The following WDR33 variants were observed in gnomAD, a reference collection of about 807,000 sequenced individuals.
WDR33 encodes WD repeat domain 33.
In WDR33, 47 loss-of-function variants were observed where a neutral mutation model predicts 164.9. That is an observed-to-expected ratio of 0.29 (90% CI 0.23 to 0.36). WDR33 has a LOEUF of 0.36. WDR33 is among the 10% of genes least tolerant of loss of function. The pLI, the probability that WDR33 is intolerant of heterozygous loss-of-function variation, is 1.00. For missense variants in WDR33, 1,137 were observed against 1,754.1 expected (o/e 0.65, Z 6.28); for synonymous variants, 505 against 589.0 (o/e 0.86, Z 2.06).
At chr2:127,739,358 G>C (rs1686950520) in intron 7 of WDR33, among the ~76,000 whole-genome samples, 1 of 152,244 alleles carries the variant, frequency 6.6e-6, no homozygotes, top group Admixed American at 6.5e-5. Context: ...CCCGTAAGAA[G>C]AGAATAACCA....
chr2:127,719,241 C>T lies in WDR33; in HGVS notation c.2760+24G>A. 7.2e-7 allele frequency: 1 copy of T among 1,397,922 alleles called. No homozygotes were observed. The highest frequency in any genetic ancestry group is 2.7e-5 in the Admixed American group (1 of 37,270). The allele number at this position is 1,397,922 out of a possible 1,614,324, so 86.6% of individuals were successfully genotyped here. A position where few individuals can be genotyped will look rare whatever the true frequency, so the allele number is the denominator to read the frequency against. On this transcript the variant is annotated intron_variant, in intron 16 of 21. Coordinates refer to ENST00000322313, the MANE Select transcript of WDR33 (RefSeq NM_018383.5). This position sits in a 1 kb window ranked among gnomAD's most constrained non-coding sequence, Gnocchi z 6.5. The stretch of plus-strand genomic sequence containing the variant: ...TGCAGAGTGTATTTTCCCAATGTGC[C>T]CGTGAGTTGGAAATGAATAATACCT...
At chr2:127,725,826 A>C (rs1343105009) in intron 8 of WDR33, among the ~76,000 whole-genome samples, 1 of 152,026 alleles carries the variant, frequency 6.6e-6, no homozygotes, top group African/African-American at 2.4e-5. Flanking sequence ...TCCGTGAAGC[A>C]GGGGAAGCAC....
intron 8 of WDR33, among the ~76,000 whole-genome samples, 174 bp from the exon 9 acceptor site, chr2:127,725,389 C>T (rs1009167662): frequency 1.3e-5 from 2 of 152,164 alleles, no homozygotes; most frequent in Admixed American, 6.5e-5. Flanking sequence ...AACAAGTCAA[C>T]GACAGAAATA....
rs1342983082 is a variant in WDR33, at chr2:127,717,147, A to T, written c.2869+8T>A. The T allele has an allele frequency of 4.4e-6, 7 of 1,593,406 alleles. No homozygotes were observed. Among genetic ancestry groups the T allele is most frequent in the Non-Finnish European group, 6.0e-6 (7 of 1,167,940 alleles). ...TATAATCTTTTATTCAGCTGAGCAGATATTTACCTTTGTTGGGGCCAGGTC... is the reference window on the plus strand; with the variant it reads ...TATAATCTTTTATTCAGCTGAGCAGTTATTTACCTTTGTTGGGGCCAGGTC... On this transcript the variant is annotated splice_region_variant and intron_variant, in intron 17 of 21. Transcript: ENST00000322313. The surrounding 1 kb of genome is among the most constrained non-coding windows in gnomAD (Gnocchi z 5.6).
At chr2:127,808,885 C>T (rs1383744411) in intron 1 of WDR33, among the ~76,000 whole-genome samples, 1 of 152,024 alleles carries the variant, frequency 6.6e-6, no homozygotes, top group East Asian at 1.9e-4. Context: ...AAAAAATTAG[C>T]CGGACGCGGT....
chr2:127,735,852 A>AAC lies in WDR33; in HGVS notation c.725-9077_725-9076dup, dbSNP rs1419264615. The AAC allele has an allele frequency of 1.0e-6, 1 of 985,366 alleles. No individual in the cohort carries two copies. The highest frequency in any genetic ancestry group is 1.2e-6 in the Non-Finnish European group (1 of 829,948). The allele number at this position is 985,366 out of a possible 1,614,324, so 61.0% of individuals were successfully genotyped here. ...ATGATTTCACCACAACCCAACAGTC[A>AAC]ACATCAACTTGGAGTGATTACTATT... On this transcript the variant is annotated intron_variant, in intron 7 of 21. Coordinates refer to ENST00000322313, the MANE Select transcript of WDR33 (RefSeq NM_018383.5). This position sits in a 1 kb window ranked among gnomAD's most constrained non-coding sequence, Gnocchi z 4.3.
chr2:127,751,178 TG>T (rs1687348924), intron 7 of WDR33, among the ~76,000 whole-genome samples: 1 of 151,646 alleles, frequency 6.6e-6, no homozygotes, highest in Non-Finnish European at 1.5e-5. Flanking sequence ...CTAGGCAACA[TG>T]GTGAAACCCT....
At chr2:127,795,627 C>T (rs182649541) in intron 1 of WDR33, among the ~76,000 whole-genome samples, 1 of 150,884 alleles carries the variant, frequency 6.6e-6, no homozygotes, top group East Asian at 1.9e-4. Context: ...AAGATAACAG[C>T]CTAAGCAACA....
chr2:127,726,846 G>C lies in WDR33; in HGVS notation c.725-69C>G, dbSNP rs979462741. ...ATTTAAAGCAATTTAAACCAAAGTA[G>C]AGAAACCTAGTAAATGTTTTGCTCT... On this transcript the variant is annotated intron_variant, in intron 7 of 21. Coordinates refer to ENST00000322313, the MANE Select transcript of WDR33 (RefSeq NM_018383.5). The surrounding 1 kb of genome is among the most constrained non-coding windows in gnomAD (Gnocchi z 4.8). 33 of 1,578,250 alleles carry C rather than the reference G, an allele frequency of 2.1e-5. No homozygotes were observed. Among genetic ancestry groups the C allele is most frequent in the Admixed American group, 1.8e-5 (1 of 56,414 alleles).
Position 127,766,230 on chromosome 2 carries a change from A to T in WDR33, c.379-961T>A, listed in dbSNP as rs527410102. ...TCCTTAAAAGATGTAAATATACAAAATGGCAATACAACAATCCTATTTTCC... is the reference window on the plus strand; with the variant it reads ...TCCTTAAAAGATGTAAATATACAAATTGGCAATACAACAATCCTATTTTCC... On this transcript the variant is annotated intron_variant, in intron 4 of 21. Coordinates refer to ENST00000322313, the MANE Select transcript of WDR33 (RefSeq NM_018383.5). Among the ~76,000 whole-genome samples, 153 of 152,354 alleles carry T rather than the reference A, an allele frequency of 1.0e-3. No homozygotes were observed. The Middle Eastern group carries it at 0.014, about 14-fold the overall frequency.
chr2:127,793,356 G>A (rs958546514), intron 1 of WDR33, among the ~76,000 whole-genome samples: 18 of 151,662 alleles, frequency 1.2e-4, no homozygotes, highest in Non-Finnish European at 2.1e-4. Flanking sequence ...GCTTCAACCC[G>A]GGAGAAGGAG....
Position 127,750,695 on chromosome 2 carries a change from T to TGC in WDR33, c.724+12366_724+12367insGC, listed in dbSNP as rs1558936897. On this transcript the variant is annotated intron_variant, in intron 7 of 21. Transcript: ENST00000322313. Reference sequence around the variant, plus strand: ...AAAAAAAAATATATATATATATATATATATATATATATATATATGTATGTA... The same window carrying TGC: ...AAAAAAAAATATATATATATATATATGCATATATATATATATATATGTATGTA... Among the ~76,000 whole-genome samples the TGC allele has an allele frequency of 7.9e-4, 44 of 55,470 alleles. 1 individual carries two copies. Among genetic ancestry groups the TGC allele is most frequent in the African/African-American group, 4.1e-3 (42 of 10,250 alleles). 36.4% of individuals were successfully genotyped at this position (55,470 alleles called of 152,430 possible). A position where few individuals can be genotyped will look rare whatever the true frequency, so the allele number is the denominator to read the frequency against.
intron 4 of WDR33, among the ~76,000 whole-genome samples, chr2:127,767,178 G>A (rs1434892994): frequency 6.6e-6 from 1 of 151,936 alleles, no homozygotes; most frequent in Non-Finnish European, 1.5e-5. Flanking sequence ...ATACTCCTCT[G>A]ATATCAGAAG....
At chr2:127,795,440 T>G (rs1689006053) in intron 1 of WDR33, among the ~76,000 whole-genome samples, 1 of 151,904 alleles carries the variant, frequency 6.6e-6, no homozygotes, top group Non-Finnish European at 1.5e-5. Flanking sequence ...AATACCCTGA[T>G]GGGTCCCAAT....
In WDR33 at chr2:127,701,801, C is replaced by T. The variant is rs1427461615; in HGVS notation, c.*4522G>A. 1.4e-6 allele frequency: 2 copies of T among 1,454,142 alleles called. No homozygotes were observed. The highest frequency in any genetic ancestry group is 1.3e-5 in the South Asian group (1 of 77,254). 90.1% of individuals were successfully genotyped at this position (1,454,142 alleles called of 1,614,324 possible). On this transcript the variant is annotated 3_prime_UTR_variant, in exon 22 of 22. Coordinates refer to ENST00000322313, the MANE Select transcript of WDR33 (RefSeq NM_018383.5). ...GCCTGCTGCTGGCTGCACTGTGTTT[C>T]GGCCTAGCCGCGCTCTACGCACCGG...
intron 4 of WDR33, among the ~76,000 whole-genome samples, chr2:127,766,612 T>G (rs907340128): frequency 2.0e-5 from 3 of 152,184 alleles, no homozygotes; most frequent in Non-Finnish European, 2.9e-5. Flanking sequence ...ACCCACCTTA[T>G]AAGATATGGA....
At chr2:127,711,205 A>T (rs1478047174) in intron 18 of WDR33, among the ~76,000 whole-genome samples, 3 of 152,160 alleles carry the variant, frequency 2.0e-5, no homozygotes, top group Non-Finnish European at 1.5e-5. Context: ...CAGGCAGATC[A>T]CTTGAGGCCA....
In WDR33 at chr2:127,726,621, A is replaced by G. The variant is rs769314684; in HGVS notation, c.851+30T>C. On this transcript the variant is annotated intron_variant, in intron 8 of 21. Coordinates refer to ENST00000322313, the MANE Select transcript of WDR33 (RefSeq NM_018383.5). This position sits in a 1 kb window ranked among gnomAD's most constrained non-coding sequence, Gnocchi z 4.8. ...CACACTGCTTTGCTCCCCTTTGTTC[A>G]GGGGCCAAGGTGGGGTTCCTGTCAC... The G allele has an allele frequency of 1.5e-5, 24 of 1,611,682 alleles. No homozygotes were observed. In the Admixed American group the frequency reaches 1.7e-4, roughly 11 times the overall value.
At chr2:127,771,957 G>A (rs2105446093) in intron 1 of WDR33, among the ~76,000 whole-genome samples, 1 of 152,232 alleles carries the variant, frequency 6.6e-6, no homozygotes, top group East Asian at 1.9e-4. Context: ...TATGCTTAGG[G>A]AATAAAAGAA....
Sources: allele counts gnomAD v4.1 joint callset (sites outside exome capture counted in the v4.1 genomes callset), GRCh38; gene constraint gnomAD v4.1.1; non-coding constraint Gnocchi (gnomAD v3.1); transcripts MANE v1.5; gene names NCBI Gene and HGNC (gene_info 2026-07-23, HGNC 2026-07-21).